AFF2: variants seen among roughly 807,000 people sequenced by gnomAD.
AFF2 encodes the protein AF4/FMR2 family member 2.
A neutral mutation model predicts 76.9 loss-of-function variants in AFF2; 14 were observed. The observed-to-expected ratio is 0.18, with a 90% CI of 0.12 to 0.28. The LOEUF (loss-of-function observed/expected upper bound fraction) is 0.28. Ranked by LOEUF, AFF2 falls within the 10% of genes least tolerant of loss-of-function variation. The pLI, the probability that AFF2 is intolerant of heterozygous loss-of-function variation, is 1.00. For synonymous variants in AFF2, 398 were observed against 366.7 expected, an observed-to-expected ratio of 1.09 and a Z score of -0.98; for missense variants, 868 against 1,001.1, an observed-to-expected ratio of 0.87 and a Z score of 1.79.
intron 4 of AFF2, among the ~76,000 whole-genome samples, chrX:148,810,579 G>T (rs971876525): frequency 8.9e-6 from 1 of 112,117 alleles, no homozygotes; most frequent in Non-Finnish European, 1.9e-5. Flanking sequence ...CTCAAGAATA[G>T]GAGTCATGGT....
chrX:148,817,740 G>A (rs1034819164), intron 4 of AFF2, among the ~76,000 whole-genome samples: 1 of 111,594 alleles, frequency 9.0e-6, no homozygotes, highest in East Asian at 2.8e-4. Context: ...CTAACAAACA[G>A]AATCAGACAG....
rs782805242 is a variant in AFF2, at chrX:148,859,810, T to A, written c.1262+16377T>A. On this transcript the variant is annotated intron_variant, in intron 7 of 20. Transcript: ENST00000370460. ...CCTGTTTTATGTCGTTTATTCTTTT[T>A]TAATTAATTGATTTATTTTTTTATT... Among the ~76,000 whole-genome samples, 437 of 111,572 alleles carry A rather than the reference T, an allele frequency of 3.9e-3. 1 individual carries two copies. The highest frequency in any genetic ancestry group is 6.4e-3 in the Non-Finnish European group (337 of 52,948).
chrX:148,566,135 C>T (rs2053167901), intron 1 of AFF2, among the ~76,000 whole-genome samples: 1 of 111,221 alleles, frequency 9.0e-6, no homozygotes, highest in Non-Finnish European at 1.9e-5. Context: ...TGTGAGGTAT[C>T]ATTATCGTAT....
At chrX:148,609,234 A>G (rs2053703331) in intron 1 of AFF2, among the ~76,000 whole-genome samples, 2 of 112,073 alleles carry the variant, frequency 1.8e-5, no homozygotes, top group Admixed American at 1.9e-4. Flanking sequence ...CATGACATTG[A>G]AACATTAAAT....
At chrX:148,948,768 T>C in intron 9 of AFF2, among the ~76,000 whole-genome samples, 1 of 109,782 alleles carries the variant, frequency 9.1e-6, no homozygotes, top group Non-Finnish European at 1.9e-5. Flanking sequence ...CTCCTACACC[T>C]GGGGCCCCTT....
chrX:148,685,803 C>A (rs1312288943), intron 3 of AFF2, among the ~76,000 whole-genome samples: 1 of 110,314 alleles, frequency 9.1e-6, no homozygotes, highest in African/African-American at 3.3e-5. Flanking sequence ...TTAAAATTAC[C>A]GGTCTATTTA....
At chrX:148,927,642 G>T (rs782521738) in intron 9 of AFF2, among the ~76,000 whole-genome samples, 4 of 111,491 alleles carry the variant, frequency 3.6e-5, no homozygotes, top group Non-Finnish European at 5.7e-5. Flanking sequence ...TTATTATTTT[G>T]AACACTAAAC....
At chrX:148,689,422 C>T (rs1225289784) in intron 3 of AFF2, among the ~76,000 whole-genome samples, 3 of 110,912 alleles carry the variant, frequency 2.7e-5, no homozygotes, top group Admixed American at 1.9e-4. Context: ...TCCTGAAGGC[C>T]TGTCTTACGA....
At chrX:148,545,625 T>C (rs782473291) in intron 1 of AFF2, among the ~76,000 whole-genome samples, 17 of 111,393 alleles carry the variant, frequency 1.5e-4, no homozygotes, top group African/African-American at 5.2e-4. Flanking sequence ...TAATCATCAG[T>C]ATAGTACCTT....
intron 1 of AFF2, among the ~76,000 whole-genome samples, chrX:148,601,730 T>C (rs1204869206): frequency 8.9e-6 from 1 of 111,815 alleles, no homozygotes; most frequent in Non-Finnish European, 1.9e-5. Flanking sequence ...TTAAGTTCCA[T>C]AAATCACTAA....
chrX:148,980,819 G>C, intron 19 of AFF2, 29 bp downstream of exon 19: 1 of 1,076,721 alleles, frequency 9.3e-7, no homozygotes, highest in Non-Finnish European at 1.3e-6. Flanking sequence ...TTGCTTTTTC[G>C]TGAAGATGAG....
chrX:148,522,110 T>A (rs1557234594), intron 1 of AFF2, among the ~76,000 whole-genome samples: 1 of 112,592 alleles, frequency 8.9e-6, no homozygotes, highest in Non-Finnish European at 1.9e-5. Flanking sequence ...TTTCTAAGTG[T>A]GCCCTGAAAA....
At chrX:148,611,245 T>C (rs1284016866) in intron 1 of AFF2, among the ~76,000 whole-genome samples, 2 of 112,052 alleles carry the variant, frequency 1.8e-5, no homozygotes, top group Non-Finnish European at 3.8e-5. Flanking sequence ...CAGTGAGATA[T>C]TTGGAAGGTA....
At chrX:148,857,026 A>G (rs1041765437) in intron 7 of AFF2, among the ~76,000 whole-genome samples, 1 of 112,244 alleles carries the variant, frequency 8.9e-6, no homozygotes, top group African/African-American at 3.2e-5. Context: ...AGGCTTGACT[A>G]TTAACCCTTG....
chrX:148,724,366 G>C (rs988339491), intron 3 of AFF2, among the ~76,000 whole-genome samples: 6 of 111,073 alleles, frequency 5.4e-5, no homozygotes, highest in African/African-American at 9.8e-5. Flanking sequence ...GAGAGAGTAG[G>C]CTGCACTCAA....
intron 7 of AFF2, among the ~76,000 whole-genome samples, chrX:148,882,541 G>A (rs958470102): frequency 9.0e-6 from 1 of 111,524 alleles, no homozygotes; most frequent in African/African-American, 3.3e-5. Flanking sequence ...GAAGAACAAT[G>A]TCTGTTTTTT....
chrX:148,571,863 T>C (rs2053232925), intron 1 of AFF2, among the ~76,000 whole-genome samples: 1 of 110,888 alleles, frequency 9.0e-6, no homozygotes, highest in African/African-American at 3.3e-5. Flanking sequence ...CACCTACATA[T>C]AGGAAGCACT....
At chrX:148,795,832 AATATATATATATATATATAT>A (rs1169188980) in intron 3 of AFF2, among the ~76,000 whole-genome samples, 54 of 15,534 alleles carry the variant, frequency 3.5e-3, no homozygotes, top group Middle Eastern at 0.067. Flanking sequence ...AAAAAAAAAA[AATATATATATATATATATAT>A]ATATATATAT....
intron 3 of AFF2, among the ~76,000 whole-genome samples, chrX:148,762,049 C>T (rs1399323170): frequency 3.7e-5 from 4 of 109,466 alleles, no homozygotes; most frequent in African/African-American, 6.7e-5. Context: ...ATTATTTTTA[C>T]GTTTTTAAAA....
Sources: allele counts gnomAD v4.1 joint callset (sites outside exome capture counted in the v4.1 genomes callset), GRCh38; gene constraint gnomAD v4.1.1; transcripts MANE v1.5; gene names NCBI Gene and HGNC (gene_info 2026-07-23, HGNC 2026-07-21).